Variants in RAD51B observed in about 807,000 individuals in gnomAD.
RAD51B encodes DNA repair protein RAD51 homolog 2.
In RAD51B, 38 loss-of-function variants were observed where a neutral mutation model predicts 42.2. The observed-to-expected ratio is 0.90, with a 90% CI of 0.70 to 1.18. RAD51B has a LOEUF of 1.18. RAD51B is among the 50% of genes most tolerant of loss of function. RAD51B has a pLI of 0.00. For synonymous variants in RAD51B, 154 were observed against 145.2 expected, an observed-to-expected ratio of 1.06 and a Z score of -0.43; for missense variants, 373 against 400.7, an observed-to-expected ratio of 0.93 and a Z score of 0.59.
At chr14:68,213,970 A>C (rs1348771606) in intron 7 of RAD51B, among the ~76,000 whole-genome samples, 1 of 152,244 alleles carries the variant, frequency 6.6e-6, no homozygotes, top group Non-Finnish European at 1.5e-5. Context: ...CTCTGGCATC[A>C]GGTTGATGGA....
intron 11 of RAD51B, among the ~76,000 whole-genome samples, chr14:68,682,192 C>T (rs1246355720): frequency 1.3e-5 from 2 of 152,168 alleles, no homozygotes; most frequent in Non-Finnish European, 2.9e-5. Flanking sequence ...AAATTACTTG[C>T]TCCAGATTAC....
chr14:68,338,540 C>T (rs1329430845), intron 8 of RAD51B, among the ~76,000 whole-genome samples: 1 of 152,144 alleles, frequency 6.6e-6, no homozygotes, highest in Non-Finnish European at 1.5e-5. Context: ...ATATGTCTGC[C>T]CTTAATCCAA....
At position 68,351,667 on chromosome 14, in the gene RAD51B, G is replaced by A. The variant is rs571490298; in HGVS notation, c.853+59687G>A. 1.8e-4 allele frequency among the ~76,000 whole-genome samples: 28 copies of A among 152,284 alleles called. 1 individual carries two copies. Among genetic ancestry groups the A allele is most frequent in the East Asian group, 7.7e-4 (4 of 5,182 alleles). ...GAGGAGGCATTGATTAGAGGAGAGC[G>A]CTCTATGGAGAGGAGTCAGCGTGGA... On this transcript the variant is annotated intron_variant, in intron 8 of 10. Coordinates refer to ENST00000471583, the MANE Select transcript of RAD51B (RefSeq NM_133510.4).
intron 4 of RAD51B, among the ~76,000 whole-genome samples, chr14:67,855,694 G>C (rs916470157): frequency 3.3e-4 from 50 of 152,318 alleles, no homozygotes; most frequent in African/African-American, 1.2e-3. Context: ...ATATTTATTA[G>C]TTGATTTTAG....
chr14:68,034,112 T>A (rs985422490), intron 7 of RAD51B, among the ~76,000 whole-genome samples: 3 of 152,182 alleles, frequency 2.0e-5, no homozygotes, highest in Non-Finnish European at 4.4e-5. Flanking sequence ...ATTTTGTTCA[T>A]TTTTTTGGTG....
chr14:68,147,390 T>C (rs2078275066), intron 7 of RAD51B, among the ~76,000 whole-genome samples: 1 of 152,188 alleles, frequency 6.6e-6, no homozygotes, highest in South Asian at 2.1e-4. Context: ...TAAGGACCTG[T>C]CTATGGGAAC....
chr14:67,874,920 A>G (rs1035537671), intron 5 of RAD51B, among the ~76,000 whole-genome samples: 2 of 152,188 alleles, frequency 1.3e-5, no homozygotes, highest in African/African-American at 4.8e-5. Context: ...TGAAGGTAAT[A>G]TGGATGGCAA....
chr14:68,267,235 A>G (rs766440683), intron 7 of RAD51B, among the ~76,000 whole-genome samples: 6 of 152,226 alleles, frequency 3.9e-5, no homozygotes, highest in Non-Finnish European at 7.3e-5. Flanking sequence ...GAAGGTGAAC[A>G]ATCCAGCTGA....
chr14:68,388,546 A>G (rs2083660660), intron 8 of RAD51B, among the ~76,000 whole-genome samples: 1 of 152,176 alleles, frequency 6.6e-6, no homozygotes, highest in South Asian at 2.1e-4. Context: ...ATTCTATTTC[A>G]TCCTTTTCTC....
intron 8 of RAD51B, among the ~76,000 whole-genome samples, chr14:68,304,234 A>T (rs190603303): frequency 6.6e-6 from 1 of 152,210 alleles, no homozygotes; most frequent in African/African-American, 2.4e-5. Flanking sequence ...AATGATTGCA[A>T]TAATAATATT....
chr14:68,327,373 T>A (rs1414648467), intron 8 of RAD51B, among the ~76,000 whole-genome samples: 1 of 78,064 alleles, frequency 1.3e-5, no homozygotes, highest in Admixed American at 1.4e-4. Flanking sequence ...CAGTTTGTTT[T>A]TTTTTGTTGT....
chr14:68,070,341 G>A (rs2076721229), intron 7 of RAD51B, among the ~76,000 whole-genome samples: 1 of 151,928 alleles, frequency 6.6e-6, no homozygotes, highest in Non-Finnish European at 1.5e-5. Flanking sequence ...TCTTTGTCTT[G>A]AAGTCTTTGC....
intron 8 of RAD51B, 21 bp from the exon 9 acceptor site, chr14:68,411,403 G>A: frequency 6.2e-7 from 1 of 1,604,530 alleles, no homozygotes; most frequent in Non-Finnish European, 8.5e-7. Context: ...CTGAAAGCGT[G>A]CTTTTACCAT....
intron 10 of RAD51B, among the ~76,000 whole-genome samples, chr14:68,585,435 T>G (rs1314791350): frequency 1.3e-5 from 2 of 152,166 alleles, no homozygotes; most frequent in Admixed American, 6.5e-5. Flanking sequence ...CAGGGGCTCC[T>G]GACGAGGAGC....
intron 7 of RAD51B, among the ~76,000 whole-genome samples, chr14:68,182,912 C>A (rs2079082240): frequency 6.6e-6 from 1 of 152,178 alleles, no homozygotes. Context: ...AGATGTATAA[C>A]TTCAGGTTGA....
At chr14:68,019,327 A>C (rs2075826530) in intron 7 of RAD51B, among the ~76,000 whole-genome samples, 1 of 152,204 alleles carries the variant, frequency 6.6e-6, no homozygotes, top group Admixed American at 6.5e-5. Context: ...GAATTCAAAC[A>C]AGAAGGTCAA....
chr14:68,216,767 G>A (rs2079824107), intron 7 of RAD51B, among the ~76,000 whole-genome samples: 1 of 152,104 alleles, frequency 6.6e-6, no homozygotes. Context: ...CAGGGATTAG[G>A]AGGGGTGTAA....
At chr14:68,661,926 G>C (rs1595052648) in intron 11 of RAD51B, among the ~76,000 whole-genome samples, 1 of 152,162 alleles carries the variant, frequency 6.6e-6, no homozygotes, top group African/African-American at 2.4e-5. Flanking sequence ...CTACCTTCCA[G>C]ACACTTGAGA....
chr14:67,947,188 C>T (rs890496304), intron 7 of RAD51B, among the ~76,000 whole-genome samples: 21 of 151,894 alleles, frequency 1.4e-4, no homozygotes, highest in Non-Finnish European at 4.4e-5. Context: ...ATTTTATATC[C>T]CCATGACTTA....
Sources: allele counts gnomAD v4.1 joint callset (sites outside exome capture counted in the v4.1 genomes callset), GRCh38; gene constraint gnomAD v4.1.1; transcripts MANE v1.5; gene names NCBI Gene and HGNC (gene_info 2026-07-23, HGNC 2026-07-21).